The following P3H2 variants were observed in gnomAD, a reference collection of about 807,000 sequenced individuals.
The protein encoded by P3H2 is leprecan-like 1.
A neutral mutation model predicts 87.0 loss-of-function variants in P3H2; 80 were observed. That is an observed-to-expected ratio of 0.92 (90% CI 0.77 to 1.11). The LOEUF (loss-of-function observed/expected upper bound fraction) is 1.11, where lower values mean the gene tolerates loss of function less well. Ranked by LOEUF, P3H2 falls within the 50% of genes least tolerant of loss-of-function variation. The pLI is 0.00. For synonymous variants in P3H2, 367 were observed against 359.3 expected, an observed-to-expected ratio of 1.02 and a Z score of -0.24; for missense variants, 1,001 against 923.9, an observed-to-expected ratio of 1.08 and a Z score of -1.08.
intron 1 of P3H2, among the ~76,000 whole-genome samples, chr3:190,027,922 TG>T (rs1432669659): frequency 6.7e-6 from 1 of 149,578 alleles, no homozygotes; most frequent in East Asian, 2.0e-4. Flanking sequence ...CTGCAGTGAG[TG>T]GGCCACTGCA....
rs151083126 is a variant in P3H2, at chr3:190,039,390, T to C, written c.481-43948A>G. ...CTTGGTATAATGCTTTGCTTCTCAGTTTGCAAAATTTAATGCATCTAATTC... is the reference window on the plus strand; with the variant it reads ...CTTGGTATAATGCTTTGCTTCTCAGCTTGCAAAATTTAATGCATCTAATTC... On this transcript the variant is annotated intron_variant, in intron 1 of 14. Coordinates refer to ENST00000319332, the MANE Select transcript of P3H2 (RefSeq NM_018192.4). Among the ~76,000 whole-genome samples, 119 of 152,310 alleles carry C rather than the reference T, an allele frequency of 7.8e-4. 2 individuals carry two copies. The highest frequency in any genetic ancestry group is 6.8e-3 in the Middle Eastern group (2 of 294).
chr3:189,960,221 G>C (rs115077692), intron 14 of P3H2, among the ~76,000 whole-genome samples: 52 of 152,040 alleles, frequency 3.4e-4, no homozygotes, highest in Non-Finnish European at 6.8e-4. Context: ...ACAATTTGCC[G>C]CTCCTACCCT....
intron 14 of P3H2, among the ~76,000 whole-genome samples, chr3:189,960,439 T>C (rs941902599): frequency 3.9e-5 from 6 of 152,204 alleles, no homozygotes; most frequent in Non-Finnish European, 7.3e-5. Context: ...GTGGCAAGAG[T>C]TCTATTTTCT....
intron 1 of P3H2, among the ~76,000 whole-genome samples, chr3:190,030,537 G>C (rs909877003): frequency 1.9e-4 from 29 of 152,310 alleles, no homozygotes; most frequent in African/African-American, 5.8e-4. Flanking sequence ...GCCTCGGCAA[G>C]AGAGTGAGAC....
Position 190,120,630 on chromosome 3 carries a change from C to T in P3H2, c.102G>A (p.Leu34=). Residue 34 remains leucine, a synonymous_variant, in exon 1 of 15, where the codon CTG becomes CTA. Coordinates refer to ENST00000319332, the MANE Select transcript of P3H2 (RefSeq NM_018192.4). The stretch of plus-strand genomic sequence containing the variant: ...GCTGCAGAGGCCCGGGCTCCAGCTC[C>T]AGCTCCCGGCGTGGGCTGTCCGGGG... ...GGPPDSPRRE[L]ELEPGPLQPF... is the part of the protein sequence containing the mutation. 1 of 1,531,218 alleles carries T rather than the reference C, an allele frequency of 6.5e-7. No individual in the cohort carries two copies. Among genetic ancestry groups the T allele is most frequent in the Non-Finnish European group, 8.7e-7 (1 of 1,147,204 alleles). The allele number at this position is 1,531,218 out of a possible 1,614,324, so 94.9% of individuals were successfully genotyped here.
intron 8 of P3H2, among the ~76,000 whole-genome samples, chr3:189,977,959 T>C (rs1723404224): frequency 6.6e-6 from 1 of 152,146 alleles, no homozygotes; most frequent in Non-Finnish European, 1.5e-5. Flanking sequence ...AGAACGCAAT[T>C]TGGAAAAGGC....
intron 1 of P3H2, among the ~76,000 whole-genome samples, chr3:190,073,576 G>A (rs547503640): frequency 3.2e-4 from 48 of 152,294 alleles, no homozygotes; most frequent in African/African-American, 1.1e-3. Context: ...CAGCAGCTCT[G>A]GTGGGCATGA....
chr3:190,107,333 T>G (rs1198911136), intron 1 of P3H2, among the ~76,000 whole-genome samples: 1 of 152,244 alleles, frequency 6.6e-6, no homozygotes. Flanking sequence ...TTCTTTGACC[T>G]GTGTTTCAGC....
intron 8 of P3H2, among the ~76,000 whole-genome samples, chr3:189,982,546 G>T (rs1723568753): frequency 6.6e-6 from 1 of 152,018 alleles, no homozygotes; most frequent in Non-Finnish European, 1.5e-5. Flanking sequence ...CACTAGAATG[G>T]TTCCCTCTAC....
intron 1 of P3H2, among the ~76,000 whole-genome samples, chr3:190,112,713 T>C (rs975912299): frequency 1.3e-5 from 2 of 149,926 alleles, no homozygotes; most frequent in African/African-American, 5.1e-5. Flanking sequence ...AACAACAGTC[T>C]GCAGTCCTCT....
At chr3:190,058,834 C>T (rs776056262) in intron 1 of P3H2, among the ~76,000 whole-genome samples, 1 of 152,162 alleles carries the variant, frequency 6.6e-6, no homozygotes, top group Non-Finnish European at 1.5e-5. Flanking sequence ...ACAAAGGAAA[C>T]TCACTAAACA....
chr3:190,113,795 A>T (rs192633833), intron 1 of P3H2, among the ~76,000 whole-genome samples: 5 of 152,294 alleles, frequency 3.3e-5, no homozygotes, highest in African/African-American at 1.2e-4. Context: ...TTGTTAAAGG[A>T]GGCCGGGCGC....
chr3:189,999,675 G>A (rs1217043929), intron 1 of P3H2, among the ~76,000 whole-genome samples: 2 of 152,266 alleles, frequency 1.3e-5, no homozygotes, highest in African/African-American at 2.4e-5. Flanking sequence ...CCACAGGAGC[G>A]AGTAAGTCTA....
At chr3:190,021,497 T>C (rs1724926131) in intron 1 of P3H2, among the ~76,000 whole-genome samples, 2 of 135,546 alleles carry the variant, frequency 1.5e-5, no homozygotes, top group African/African-American at 5.1e-5. Context: ...TATTTTTTCT[T>C]TTATAATTTC....
At chr3:189,969,968 TG>T (rs1723120590) in intron 13 of P3H2, 1 of 645,570 alleles carries the variant, frequency 1.5e-6, no homozygotes, top group South Asian at 1.8e-5. Flanking sequence ...CCATTGTGTA[TG>T]CTCTTTGGCT....
chr3:190,119,875 G>A lies in P3H2; in HGVS notation c.480+377C>T, dbSNP rs959016419. ...ACAAAAGAAATGGGAAGTGAGAAGGGAGAAGAGAAATGGGAAGTGAGAAGG... is the reference window on the plus strand; with the variant it reads ...ACAAAAGAAATGGGAAGTGAGAAGGAAGAAGAGAAATGGGAAGTGAGAAGG... On this transcript the variant is annotated intron_variant, in intron 1 of 14. Transcript: ENST00000319332. Among the ~76,000 whole-genome samples, 11 of 151,550 alleles carry A rather than the reference G, an allele frequency of 7.3e-5. 1 individual carries two copies. The East Asian group carries it at 2.1e-3, about 30-fold the overall frequency.
At chr3:189,968,079 T>A (rs1238408020) in intron 13 of P3H2, among the ~76,000 whole-genome samples, 3 of 152,214 alleles carry the variant, frequency 2.0e-5, no homozygotes, top group East Asian at 1.9e-4. Context: ...AGATACCTGG[T>A]CATCTATAAT....
At chr3:190,045,836 C>A (rs558583615) in intron 1 of P3H2, among the ~76,000 whole-genome samples, 27 of 151,906 alleles carry the variant, frequency 1.8e-4, no homozygotes, top group African/African-American at 6.0e-4. Flanking sequence ...AGAGTTCAAA[C>A]CTAGGCCGGG....
chr3:190,039,890 G>A (rs1190785294), intron 1 of P3H2, among the ~76,000 whole-genome samples: 1 of 152,152 alleles, frequency 6.6e-6, no homozygotes, highest in Non-Finnish European at 1.5e-5. Flanking sequence ...GGAAAGGAAT[G>A]AATAATGAAT....
Sources: allele counts gnomAD v4.1 joint callset (sites outside exome capture counted in the v4.1 genomes callset), GRCh38; gene constraint gnomAD v4.1.1; transcripts MANE v1.5; gene names NCBI Gene and HGNC (gene_info 2026-07-23, HGNC 2026-07-21).